Variants in TMEM272 observed in about 807,000 individuals in gnomAD.
TMEM272 encodes the protein transmembrane protein 272, also known as long intergenic non-protein coding RNA 282.
TMEM272 carries 8 observed loss-of-function variants against 3.7 expected under a neutral mutation model. The observed-to-expected ratio is 2.17, with a 90% CI of 1.27 to 3.91. The LOEUF (loss-of-function observed/expected upper bound fraction) is 3.91, where lower values mean the gene tolerates loss of function less well. TMEM272 is among the 30% of genes most tolerant of loss of function. TMEM272 has a pLI of 0.00. For missense variants in TMEM272, 166 were observed against 91.5 expected (o/e 1.81, Z -3.32); for synonymous variants, 63 against 39.8 (o/e 1.58, Z -2.20).
At chr13:51,822,602 G>C (rs1956089354) in intron 3 of TMEM272, among the ~76,000 whole-genome samples, 1 of 151,964 alleles carries the variant, frequency 6.6e-6, no homozygotes, top group South Asian at 2.1e-4. Context: ...GCTTCCAGGG[G>C]CCAGGTGGCA....
chr13:51,933,128 AATAG>A, the TMEM272 span: 10 of 152,230 alleles, frequency 6.6e-5, no homozygotes, highest in African/African-American at 2.4e-4. Flanking sequence ...TGAAACAATG[AATAG>A]ATCACCTGGT....
the TMEM272 span, among the ~76,000 whole-genome samples, chr13:51,871,785 TACACACACACACACAC>T: frequency 0.034 from 4,411 of 129,536 alleles, 142 homozygotes; most frequent in African/African-American, 0.075. Flanking sequence ...AATCTCCCCC[TACACACACACACACAC>T]ACACACACAC....
intron 4 of TMEM272, among the ~76,000 whole-genome samples, chr13:51,819,766 A>T (rs1369245319): frequency 2.0e-5 from 3 of 152,210 alleles, no homozygotes; most frequent in Non-Finnish European, 4.4e-5. Context: ...CAAAAAGCAC[A>T]TGCTTACTAG....
chr13:51,892,318 A>G, the TMEM272 span, among the ~76,000 whole-genome samples: 1 of 152,208 alleles, frequency 6.6e-6, no homozygotes, highest in East Asian at 1.9e-4. Flanking sequence ...CGCTGTACAC[A>G]GTTTTTCATC....
the TMEM272 span, among the ~76,000 whole-genome samples, chr13:51,868,714 T>C: frequency 2.0e-5 from 3 of 152,322 alleles, 1 homozygote; most frequent in South Asian, 6.2e-4. Flanking sequence ...TGGCTCAGTC[T>C]CCCTGCTTTG....
the TMEM272 span, among the ~76,000 whole-genome samples, chr13:51,911,664 T>C: frequency 6.6e-6 from 1 of 152,222 alleles, no homozygotes; most frequent in African/African-American, 2.4e-5. Context: ...TCTGGGTTTT[T>C]TGCTTTTTGT....
chr13:51,900,128 G>GA, the TMEM272 span, among the ~76,000 whole-genome samples: 2 of 151,438 alleles, frequency 1.3e-5, no homozygotes, highest in African/African-American at 2.4e-5. Context: ...GGCAAAAAAA[G>GA]AAAAAAAATG....
chr13:51,910,621 T>C, the TMEM272 span: 1 of 574,500 alleles, frequency 1.7e-6, no homozygotes, highest in East Asian at 3.6e-5. Flanking sequence ...GGCTCCTCCA[T>C]AGTGCCAAGG....
the TMEM272 span, among the ~76,000 whole-genome samples, chr13:51,876,621 C>T: frequency 0.5 from 76,342 of 152,042 alleles, 20,409 homozygotes; most frequent in African/African-American, 0.69. Context: ...AATGGAATCA[C>T]TGAAGGGAGA....
intron 2 of TMEM272, among the ~76,000 whole-genome samples, chr13:51,834,861 T>C (rs1956201615): frequency 6.6e-6 from 1 of 152,234 alleles, no homozygotes; most frequent in Admixed American, 6.5e-5. Context: ...TGCACATGTA[T>C]TCATCAAGAT....
chr13:51,824,740 G>T (rs946535022), intron 3 of TMEM272, among the ~76,000 whole-genome samples: 2 of 152,178 alleles, frequency 1.3e-5, no homozygotes, highest in East Asian at 3.8e-4. Context: ...ATCACTTGAG[G>T]TCAGGAGTTC....
chr13:51,836,800 A>AG (rs1956220098), intron 2 of TMEM272, among the ~76,000 whole-genome samples: 1 of 152,120 alleles, frequency 6.6e-6, no homozygotes, highest in Admixed American at 6.5e-5. Context: ...ACATGTTGGA[A>AG]GGCCCAGGGG....
At chr13:51,931,232 C>T in the TMEM272 span, among the ~76,000 whole-genome samples, 1 of 148,882 alleles carries the variant, frequency 6.7e-6, no homozygotes, top group Admixed American at 6.8e-5. Flanking sequence ...CAATGATAGA[C>T]TGAAGAAAAT....
intron 4 of TMEM272, among the ~76,000 whole-genome samples, chr13:51,818,301 G>A (rs576974450): frequency 6.6e-6 from 1 of 152,334 alleles, no homozygotes; most frequent in Admixed American, 6.5e-5. Flanking sequence ...ATAAAATAAA[G>A]AGAGACAGAG....
At chr13:51,926,924 C>T in the TMEM272 span, among the ~76,000 whole-genome samples, 37 of 151,948 alleles carry the variant, frequency 2.4e-4, no homozygotes, top group African/African-American at 8.7e-4. Context: ...ATATATAAAA[C>T]ACTGTTATTC....
chr13:51,838,173 A>G (rs1191632809), intron 2 of TMEM272, among the ~76,000 whole-genome samples: 1 of 152,232 alleles, frequency 6.6e-6, no homozygotes, highest in Admixed American at 6.5e-5. Context: ...GTTGCCCAGC[A>G]CGGCTGCCAT....
At chr13:51,860,669 G>T in the TMEM272 span, among the ~76,000 whole-genome samples, 1 of 138,144 alleles carries the variant, frequency 7.2e-6, no homozygotes, top group Non-Finnish European at 1.6e-5. Flanking sequence ...TTAAAGGAAA[G>T]AATTAAAAAC....
the TMEM272 span, among the ~76,000 whole-genome samples, chr13:51,882,029 GA>G: frequency 6.6e-6 from 1 of 152,122 alleles, no homozygotes; most frequent in Non-Finnish European, 1.5e-5. Flanking sequence ...CAACGATAAA[GA>G]AAAATTTATT....
the TMEM272 span, among the ~76,000 whole-genome samples, chr13:51,929,746 C>A: frequency 2.6e-5 from 4 of 152,366 alleles, no homozygotes; most frequent in Middle Eastern, 3.4e-3. Context: ...GGACAGTCAA[C>A]TGAACAACCT....
Sources: gnomAD v4.1 joint callset for allele counts (sites outside exome capture counted in the v4.1 genomes callset) on GRCh38, gnomAD v4.1.1 for gene constraint, MANE v1.5 for transcripts, NCBI Gene and HGNC (gene_info 2026-07-23, HGNC 2026-07-21) for gene names.